SLC39A11: variants seen among roughly 807,000 people sequenced by gnomAD.
SLC39A11 encodes solute carrier family 39 member 11.
Under a neutral mutation model 36.1 loss-of-function variants are expected in SLC39A11, and 33 were observed. The ratio of observed to expected loss-of-function variants is 0.91; its 90% CI spans 0.69 to 1.22. The LOEUF (loss-of-function observed/expected upper bound fraction) is 1.22. Among genes scored for constraint, SLC39A11 ranks in the 50% most tolerant of loss-of-function variants. The pLI is 0.00. For missense variants in SLC39A11, 432 were observed against 430.3 expected (o/e 1.00, Z -0.03); for synonymous variants, 166 against 170.3 (o/e 0.97, Z 0.20).
intron 5 of SLC39A11, among the ~76,000 whole-genome samples, chr17:72,937,920 T>A (rs1198161947): frequency 6.6e-6 from 1 of 152,166 alleles, no homozygotes; most frequent in Non-Finnish European, 1.5e-5. Flanking sequence ...CCGGAATGCC[T>A]CTGCCTCCCA....
intron 4 of SLC39A11, among the ~76,000 whole-genome samples, chr17:72,952,073 C>A (rs892010323): frequency 6.6e-6 from 1 of 152,138 alleles, no homozygotes; most frequent in Non-Finnish European, 1.5e-5. Flanking sequence ...CTGTACCCCC[C>A]GCTTCCCCCA....
intron 5 of SLC39A11, among the ~76,000 whole-genome samples, chr17:72,857,241 T>C (rs1162641635): frequency 1.3e-5 from 2 of 152,208 alleles, no homozygotes; most frequent in African/African-American, 4.8e-5. Flanking sequence ...GGCATTTGGT[T>C]TTCTGTTCCT....
chr17:72,741,729 C>T (rs555700735), intron 6 of SLC39A11, among the ~76,000 whole-genome samples: 44 of 152,286 alleles, frequency 2.9e-4, no homozygotes, highest in Middle Eastern at 6.8e-3. Context: ...GTGATGGGAG[C>T]TGGTCTGAGA....
intron 6 of SLC39A11, among the ~76,000 whole-genome samples, chr17:72,740,775 A>T (rs549116153): frequency 1.3e-5 from 2 of 151,866 alleles, no homozygotes; most frequent in South Asian, 4.2e-4. Context: ...TTTTATTTTT[A>T]TTTTTTATTT....
chr17:72,879,495 A>G (rs2081088195), intron 5 of SLC39A11, among the ~76,000 whole-genome samples: 1 of 152,212 alleles, frequency 6.6e-6, no homozygotes, highest in African/African-American at 2.4e-5. Flanking sequence ...ACTCACTGCT[A>G]TCTAGTTTCT....
At chr17:72,753,395 G>A (rs929301211) in intron 6 of SLC39A11, among the ~76,000 whole-genome samples, 1 of 152,118 alleles carries the variant, frequency 6.6e-6, no homozygotes, top group Non-Finnish European at 1.5e-5. Context: ...ATATTCTAAT[G>A]AATCTATCCA....
At chr17:72,795,883 T>G (rs1185006470) in intron 6 of SLC39A11, among the ~76,000 whole-genome samples, 2 of 152,180 alleles carry the variant, frequency 1.3e-5, no homozygotes, top group African/African-American at 2.4e-5. Context: ...TAGCACACCA[T>G]TTGGTATGTA....
chr17:73,027,219 A>G (rs988765285), intron 4 of SLC39A11, among the ~76,000 whole-genome samples: 1 of 152,220 alleles, frequency 6.6e-6, no homozygotes, highest in Non-Finnish European at 1.5e-5. Context: ...AAACATGTCA[A>G]TGTCTCCAAA....
In SLC39A11 at chr17:72,797,800, T is replaced by C. The variant is rs73354759; in HGVS notation, c.601+51834A>G. On this transcript the variant is annotated intron_variant, in intron 6 of 9. Coordinates refer to ENST00000255559, the MANE Select transcript of SLC39A11 (RefSeq NM_139177.4). ...CAGATCCTTTATTCCAATGTGCTCA[T>C]AACCACTTCCTAATGCTGCCTCTGG... Among the ~76,000 whole-genome samples the C allele has an allele frequency of 2.2e-3, 335 of 152,242 alleles. 5 individuals carry two copies. Among genetic ancestry groups the C allele is most frequent in the African/African-American group, 7.9e-3 (329 of 41,494 alleles).
chr17:72,895,373 G>C (rs1189013425), intron 5 of SLC39A11, among the ~76,000 whole-genome samples: 3 of 152,120 alleles, frequency 2.0e-5, no homozygotes, highest in Admixed American at 6.6e-5. Flanking sequence ...GAGGTCAAGA[G>C]TTCGAGACCA....
intron 4 of SLC39A11, among the ~76,000 whole-genome samples, chr17:73,011,648 G>T: frequency 7.7e-6 from 1 of 130,084 alleles, no homozygotes; most frequent in East Asian, 2.5e-4. Flanking sequence ...TTGTACCTCT[G>T]GTTTTCTGGT....
chr17:72,747,568 G>A (rs527971207), intron 6 of SLC39A11, among the ~76,000 whole-genome samples: 8 of 152,294 alleles, frequency 5.3e-5, no homozygotes, highest in South Asian at 2.1e-4. Context: ...CTGCAGCAGG[G>A]ATTTCCTGGC....
chr17:73,018,338 CAG>C (rs1303143198), intron 4 of SLC39A11, among the ~76,000 whole-genome samples: 3 of 152,104 alleles, frequency 2.0e-5, no homozygotes, highest in Non-Finnish European at 4.4e-5. Flanking sequence ...TACCTGAGGT[CAG>C]GAGTTCAAGA....
chr17:72,835,379 T>C (rs1265189095), intron 6 of SLC39A11, among the ~76,000 whole-genome samples: 1 of 152,092 alleles, frequency 6.6e-6, no homozygotes, highest in East Asian at 1.9e-4. Context: ...CAAAAGTAGG[T>C]GGGTGGTAGA....
At chr17:72,870,791 A>G (rs1329906498) in intron 5 of SLC39A11, among the ~76,000 whole-genome samples, 1 of 152,176 alleles carries the variant, frequency 6.6e-6, no homozygotes, top group Non-Finnish European at 1.5e-5. Flanking sequence ...TCCTTCATCT[A>G]ATTATCTTTG....
At chr17:73,042,380 G>A (rs1398727421) in intron 3 of SLC39A11, among the ~76,000 whole-genome samples, 1 of 152,212 alleles carries the variant, frequency 6.6e-6, no homozygotes, top group Non-Finnish European at 1.5e-5. Flanking sequence ...ACCCAACTCA[G>A]TGCCTACTAT....
intron 6 of SLC39A11, among the ~76,000 whole-genome samples, chr17:72,780,403 G>A (rs1357524880): frequency 1.3e-5 from 2 of 152,008 alleles, no homozygotes; most frequent in Admixed American, 6.6e-5. Flanking sequence ...AGAAGCACTC[G>A]TCAATGTCAA....
At chr17:72,715,459 T>C (rs2073314505) in intron 7 of SLC39A11, among the ~76,000 whole-genome samples, 1 of 152,126 alleles carries the variant, frequency 6.6e-6, no homozygotes, top group Non-Finnish European at 1.5e-5. Flanking sequence ...CTAATATTGT[T>C]CAGCCTTCAA....
At position 72,647,284 on chromosome 17, in the gene SLC39A11, A is replaced by G. The variant is rs1472092763; in HGVS notation, c.*300T>C. 4.2e-6 allele frequency: 1 copy of G among 236,010 alleles called. No homozygotes were observed. The highest frequency in any genetic ancestry group is 8.3e-6 in the Non-Finnish European group (1 of 120,916). The allele number at this position is 236,010 out of a possible 1,614,324, so 14.6% of individuals were successfully genotyped here. ...GTTGGGAGGCAGATAGAAGGTCCCG[A>G]AGTGGAGATTTCCCTGATCTGAAGT... On this transcript the variant is annotated 3_prime_UTR_variant, in exon 10 of 10. Transcript: ENST00000255559.
Sources: allele counts gnomAD v4.1 joint callset (sites outside exome capture counted in the v4.1 genomes callset), GRCh38; gene constraint gnomAD v4.1.1; transcripts MANE v1.5; gene names NCBI Gene and HGNC (gene_info 2026-07-23, HGNC 2026-07-21).